The following AHCYL2 variants were observed in gnomAD, a reference collection of about 807,000 sequenced individuals.
AHCYL2 encodes adenosylhomocysteinase like 2, also known as S-adenosylhomocysteine hydrolase-like protein 2.
Under a neutral mutation model 81.4 loss-of-function variants are expected in AHCYL2, and 28 were observed. The observed-to-expected ratio is 0.34, with a 90% CI of 0.25 to 0.47. AHCYL2 has a LOEUF of 0.47. AHCYL2 is among the 20% of genes least tolerant of loss of function. The pLI, the probability that AHCYL2 is intolerant of heterozygous loss-of-function variation, is 1.00. For missense variants in AHCYL2, 551 were observed against 785.1 expected (o/e 0.70, Z 3.56); for synonymous variants, 272 against 290.2 (o/e 0.94, Z 0.64).
chr7:129,335,894 A>T (rs922224083), intron 1 of AHCYL2, among the ~76,000 whole-genome samples: 1 of 152,072 alleles, frequency 6.6e-6, no homozygotes, highest in African/African-American at 2.4e-5. Context: ...ATTCAAGGGG[A>T]CAGGTCCTAA....
At chr7:129,258,300 G>T (rs906567870) in intron 1 of AHCYL2, among the ~76,000 whole-genome samples, 6 of 141,462 alleles carry the variant, frequency 4.2e-5, no homozygotes, top group Non-Finnish European at 4.5e-5. Context: ...TTCTGTTACT[G>T]TGTATTCTGT....
At chr7:129,387,864 G>A (rs1483888998) in intron 2 of AHCYL2, among the ~76,000 whole-genome samples, 1 of 152,070 alleles carries the variant, frequency 6.6e-6, no homozygotes, top group Non-Finnish European at 1.5e-5. Context: ...CTGTTGCCTC[G>A]TGTTAGGACT....
In AHCYL2 at chr7:129,388,744, G is replaced by A. The variant is rs1469776991; in HGVS notation, c.476-312G>A. 8 of 241,334 alleles carry A rather than the reference G, an allele frequency of 3.3e-5. No homozygotes were observed. The Admixed American group carries it at 3.7e-4, about 11-fold the overall frequency. The allele number at this position is 241,334 out of a possible 1,614,324, so 14.9% of individuals were successfully genotyped here. ...CAAAAACCCATATGTTAATGACCAC[G>A]ATCTTGCATTAGGAACTTTAACCTA... On this transcript the variant is annotated intron_variant, in intron 2 of 16. Coordinates refer to ENST00000325006, the MANE Select transcript of AHCYL2 (RefSeq NM_015328.4).
chr7:129,373,597 C>A (rs868142764), intron 1 of AHCYL2, among the ~76,000 whole-genome samples: 15 of 150,246 alleles, frequency 1.0e-4, no homozygotes, highest in South Asian at 6.3e-4. Flanking sequence ...AAGACTCAGT[C>A]TCAAAAAAAA....
At chr7:129,289,007 C>G (rs1796738829) in intron 1 of AHCYL2, among the ~76,000 whole-genome samples, 1 of 152,132 alleles carries the variant, frequency 6.6e-6, no homozygotes, top group African/African-American at 2.4e-5. Context: ...GTCCTGAACT[C>G]CTGGGCTCAA....
chr7:129,251,957 T>C (rs1343416591), intron 1 of AHCYL2, among the ~76,000 whole-genome samples: 1 of 152,220 alleles, frequency 6.6e-6, no homozygotes, highest in Non-Finnish European at 1.5e-5. Flanking sequence ...TAATCTCTTC[T>C]GTTTATCTCT....
intron 1 of AHCYL2, among the ~76,000 whole-genome samples, chr7:129,300,274 G>A (rs891904516): frequency 5.3e-5 from 8 of 151,670 alleles, no homozygotes; most frequent in East Asian, 3.9e-4. Context: ...AGCCATCCCC[G>A]CCTCCCCCCC....
At chr7:129,342,375 T>A (rs2150817799) in intron 1 of AHCYL2, among the ~76,000 whole-genome samples, 1 of 152,240 alleles carries the variant, frequency 6.6e-6, no homozygotes, top group Non-Finnish European at 1.5e-5. Flanking sequence ...TAATAGATTT[T>A]AAAAATATAT....
intron 1 of AHCYL2, among the ~76,000 whole-genome samples, chr7:129,372,373 C>A (rs1794450995): frequency 6.6e-6 from 1 of 152,072 alleles, no homozygotes; most frequent in Admixed American, 6.5e-5. Flanking sequence ...TGGCCTTGAT[C>A]CTCTTTAGGA....
intron 1 of AHCYL2, among the ~76,000 whole-genome samples, chr7:129,301,847 C>G (rs1433001431): frequency 6.6e-6 from 1 of 151,470 alleles, no homozygotes; most frequent in Non-Finnish European, 1.5e-5. Context: ...TATTCTGTCA[C>G]TTTTGTAGTT....
At chr7:129,329,520 A>G (rs965763300) in intron 1 of AHCYL2, among the ~76,000 whole-genome samples, 1 of 152,166 alleles carries the variant, frequency 6.6e-6, no homozygotes, top group Non-Finnish European at 1.5e-5. Context: ...TTCTTAGATA[A>G]TGATGTAGAG....
At chr7:129,240,330 G>A (rs545095493) in intron 1 of AHCYL2, among the ~76,000 whole-genome samples, 11 of 150,142 alleles carry the variant, frequency 7.3e-5, no homozygotes, top group South Asian at 6.5e-4. Flanking sequence ...ACAAAAACAC[G>A]GGCTCCCACA....
intron 1 of AHCYL2, chr7:129,375,825 G>C (rs1201523432): frequency 3.9e-6 from 6 of 1,534,900 alleles, no homozygotes; most frequent in African/African-American, 1.4e-5. Context: ...CTGATCACAA[G>C]GGTCCCTGGA....
At position 129,406,585 on chromosome 7, in the gene AHCYL2, C is replaced by CT; in HGVS notation, c.1295+120dup. On this transcript the variant is annotated intron_variant, in intron 10 of 16. Transcript: ENST00000325006. The surrounding 1 kb of genome is among the most constrained non-coding windows in gnomAD (Gnocchi z 4.3). ...ATCCTCAGAGATGCTGCCACTAACT[C>CT]TAAGCATCTGTCTTTTAAAAAGGTC... 2 of 943,946 alleles carry CT rather than the reference C, an allele frequency of 2.1e-6. No homozygotes were observed. Among genetic ancestry groups the CT allele is most frequent in the Non-Finnish European group, 3.4e-6 (2 of 592,008 alleles). The allele number at this position is 943,946 out of a possible 1,614,324, so 58.5% of individuals were successfully genotyped here.
rs747665650 is a variant in AHCYL2, at chr7:129,406,433, C to T, written c.1262C>T (p.Thr421Ile). 6.2e-7 allele frequency: 1 copy of T among 1,614,040 alleles called. No individual in the cohort carries two copies. Among genetic ancestry groups the T allele is most frequent in the East Asian group, 2.2e-5 (1 of 44,878 alleles). Residue 421 changes from threonine (T) to isoleucine (I), a missense_variant, in exon 10 of 17, where the codon ACT (threonine) becomes ATT (isoleucine). Thr to Ile is a moderately conservative substitution (Grantham distance 89). This residue lies in a region of AHCYL2 where 316 missense variants were observed against 543.1 expected (regional missense o/e 0.58). Coordinates refer to ENST00000325006, the MANE Select transcript of AHCYL2 (RefSeq NM_015328.4). The surrounding 1 kb of genome is among the most constrained non-coding windows in gnomAD (Gnocchi z 4.3). ...LKAMGSIVYV[T>I]EIDPICALQA... The stretch of plus-strand genomic sequence containing the variant: ...GCCATGGGCTCCATTGTGTATGTAA[C>T]TGAAATTGACCCCATCTGTGCCCTG...
At chr7:129,403,143 C>T (rs1304146326) in intron 6 of AHCYL2, among the ~76,000 whole-genome samples, 3 of 151,960 alleles carry the variant, frequency 2.0e-5, no homozygotes, top group East Asian at 1.9e-4. Flanking sequence ...CGGGGAGGGT[C>T]GTTTGGCTGC....
chr7:129,342,863 A>T (rs1477850460), intron 1 of AHCYL2, among the ~76,000 whole-genome samples: 1 of 152,226 alleles, frequency 6.6e-6, no homozygotes, highest in Non-Finnish European at 1.5e-5. Context: ...ATAATATTAC[A>T]CGTTATGTGT....
In AHCYL2 at chr7:129,410,285, C is replaced by T. The variant is rs1034777130; in HGVS notation, c.1366+739C>T. The T allele has an allele frequency of 4.0e-4, 649 of 1,614,014 alleles. 1 individual carries two copies. Among genetic ancestry groups the T allele is most frequent in the Non-Finnish European group, 5.1e-4 (607 of 1,180,038 alleles). ...TTCCACATCTTCCTTCTGTTTCTTACGGGTCTCCAGGTCCTTTCGAATGTT... is the reference window on the plus strand; with the variant it reads ...TTCCACATCTTCCTTCTGTTTCTTATGGGTCTCCAGGTCCTTTCGAATGTT... On this transcript the variant is annotated intron_variant, in intron 11 of 16. Transcript: ENST00000325006.
At chr7:129,369,971 A>G (rs1411172865) in intron 1 of AHCYL2, among the ~76,000 whole-genome samples, 1 of 152,166 alleles carries the variant, frequency 6.6e-6, no homozygotes, top group Non-Finnish European at 1.5e-5. Flanking sequence ...GATTGGGTTG[A>G]GTTTTTTTGA....
Sources: gnomAD v4.1 joint callset for allele counts (sites outside exome capture counted in the v4.1 genomes callset) on GRCh38, gnomAD v4.1.1 for gene constraint, gnomAD v4.1.1 regional missense constraint, Gnocchi (gnomAD v3.1) non-coding constraint, MANE v1.5 for transcripts, NCBI Gene and HGNC (gene_info 2026-07-23, HGNC 2026-07-21) for gene names.